Variants in HSP90AA1 observed in about 807,000 individuals in gnomAD.
The protein encoded by HSP90AA1 is heat shock protein HSP 90-alpha.
A neutral mutation model predicts 73.3 loss-of-function variants in HSP90AA1; 18 were observed. The observed-to-expected ratio is 0.25, with a 90% confidence interval of 0.17 to 0.36. HSP90AA1 has a LOEUF of 0.36. Ranked by LOEUF, HSP90AA1 falls within the 10% of genes least tolerant of loss-of-function variation. The pLI, the probability that HSP90AA1 is intolerant of heterozygous loss-of-function variation, is 1.00. For missense variants in HSP90AA1, 704 were observed against 874.2 expected, an observed-to-expected ratio of 0.81 and a Z score of 2.45; for synonymous variants, 477 against 296.9, an observed-to-expected ratio of 1.61 and a Z score of -6.24.
At chr14:102,130,124 C>T (rs918565727) in intron 1 of HSP90AA1, among the ~76,000 whole-genome samples, 1 of 152,068 alleles carries the variant, frequency 6.6e-6, no homozygotes. Flanking sequence ...GCCCGCACCA[C>T]CACACCTGGC....
At chr14:102,105,604 G>C (rs1367304967) in intron 1 of HSP90AA1, among the ~76,000 whole-genome samples, 1 of 152,222 alleles carries the variant, frequency 6.6e-6, no homozygotes, top group South Asian at 2.1e-4. Context: ...CAGGAAGAGG[G>C]CTTGCAAGGG....
At chr14:102,105,969 G>A (rs990349129) in intron 1 of HSP90AA1, among the ~76,000 whole-genome samples, 1 of 152,096 alleles carries the variant, frequency 6.6e-6, no homozygotes, top group Non-Finnish European at 1.5e-5. Context: ...CCAGCTGCTC[G>A]GGAGGCTGAG....
chr14:102,099,939 CA>C (rs2049472182), intron 2 of HSP90AA1, among the ~76,000 whole-genome samples: 1 of 152,180 alleles, frequency 6.6e-6, no homozygotes, highest in Admixed American at 6.5e-5. Context: ...GTAATTCCAG[CA>C]CTTTGGGAGG....
chr14:102,111,024 TTC>T (rs2049635417), intron 1 of HSP90AA1, among the ~76,000 whole-genome samples: 1 of 152,162 alleles, frequency 6.6e-6, no homozygotes, highest in South Asian at 2.1e-4. Context: ...AGCCAAAGTA[TTC>T]TGTTTTATAA....
chr14:102,113,872 C>T (rs954542828), intron 1 of HSP90AA1, among the ~76,000 whole-genome samples: 7 of 151,864 alleles, frequency 4.6e-5, no homozygotes, highest in East Asian at 1.9e-4. Context: ...CACCATGCCC[C>T]GCTAATTTTT....
intron 1 of HSP90AA1, among the ~76,000 whole-genome samples, chr14:102,106,078 A>G (rs1265386419): frequency 6.6e-6 from 1 of 152,030 alleles, no homozygotes; most frequent in Non-Finnish European, 1.5e-5. Flanking sequence ...TCCATCTCAA[A>G]AAAAAAAAGC....
chr14:102,129,705 G>A (rs571554743), intron 1 of HSP90AA1, among the ~76,000 whole-genome samples: 56 of 151,928 alleles, frequency 3.7e-4, no homozygotes, highest in Non-Finnish European at 5.7e-4. Context: ...AGGTTTCACC[G>A]TGTTGGCTAG....
intron 1 of HSP90AA1, among the ~76,000 whole-genome samples, chr14:102,125,735 A>G (rs1431981987): frequency 6.6e-6 from 1 of 152,216 alleles, no homozygotes; most frequent in Non-Finnish European, 1.5e-5. Context: ...GTAGCGAACA[A>G]CCTAGTGAGA....
In HSP90AA1 at chr14:102,083,082, C is replaced by T. The variant is rs747514865; in HGVS notation, c.1707G>A (p.Glu569=). 2 of 1,613,856 alleles carry T rather than the reference C, an allele frequency of 1.2e-6. No individual in the cohort carries two copies. Among genetic ancestry groups the T allele is most frequent in the Non-Finnish European group, 1.7e-6 (2 of 1,179,800 alleles). Residue 569 remains glutamate (E), a synonymous_variant, in exon 9 of 11, where the codon GAG becomes GAA. Transcript: ENST00000216281. Reference sequence around the variant, plus strand: ...TGTCTTTCATGATTTTGCAGAGGTTCTCAAACTTTGTTTTTTTCTCTTCCT... The same window carrying T: ...TGTCTTTCATGATTTTGCAGAGGTTTTCAAACTTTGTTTTTTTCTCTTCCT... ...KKQEEKKTKF[E]NLCKIMKDIL...
At chr14:102,085,183 G>C in intron 4 of HSP90AA1, 115 bp downstream of exon 4, 1 of 1,422,994 alleles carries the variant, frequency 7.0e-7, no homozygotes, top group South Asian at 1.2e-5. Flanking sequence ...AGGTAGTAGA[G>C]CTTAGGTTCC....
intron 1 of HSP90AA1, among the ~76,000 whole-genome samples, chr14:102,133,632 T>C (rs1356343745): frequency 6.6e-6 from 1 of 151,862 alleles, no homozygotes; most frequent in Non-Finnish European, 1.5e-5. Flanking sequence ...TACAGGCATA[T>C]GGCACCACGC....
rs34332262 is a variant in HSP90AA1 at position 102,085,570 on chromosome 14, G to A, written c.530-139C>T. On this transcript the variant is annotated intron_variant, in intron 3 of 10. Coordinates refer to ENST00000216281, the MANE Select transcript of HSP90AA1 (RefSeq NM_005348.4). ...AAGGCCACCACAGCAGAACCTTTTGGGCAAGGTGCCTCGCCCAAAAGAACC... is the reference window on the plus strand; with the variant it reads ...AAGGCCACCACAGCAGAACCTTTTGAGCAAGGTGCCTCGCCCAAAAGAACC... The A allele has an allele frequency of 6.8e-5, 81 of 1,189,082 alleles. No homozygotes were observed. The African/African-American group carries it at 9.9e-4, about 15-fold the overall frequency. The allele number at this position is 1,189,082 out of a possible 1,614,324, so 73.7% of individuals were successfully genotyped here.
rs900389409 is a variant in HSP90AA1 at position 102,132,478 on chromosome 14, T to C, written c.155+6772A>G. On this transcript the variant is annotated intron_variant, in intron 1 of 11. Transcript: ENST00000334701. ...AGGAGGATGGCTTGAGCCTGGAAGG[T>C]TGAGGCTGCAATGAGCCGGGCCTGT... is the stretch of plus-strand genomic sequence containing the variant. Among the ~76,000 whole-genome samples, 6 of 151,882 alleles carry C rather than the reference T, an allele frequency of 4.0e-5. No homozygotes were observed. The East Asian group carries it at 1.2e-3, about 29-fold the overall frequency.
rs759585735 is a variant in HSP90AA1, at chr14:102,086,275, T to C, written c.104A>G (p.Asn35Ser). The C allele has an allele frequency of 1.2e-6, 2 of 1,614,148 alleles. No individual in the cohort carries two copies. Among genetic ancestry groups the C allele is most frequent in the Non-Finnish European group, 1.7e-6 (2 of 1,179,996 alleles). The change falls in exon 2 of 11, where the codon AAT becomes AGT. Residue 35 changes from asparagine to serine, a missense_variant. Physicochemically the swap from Asn to Ser is conservative, Grantham distance 46 (BLOSUM62 1). Coordinates refer to ENST00000216281, the MANE Select transcript of HSP90AA1 (RefSeq NM_005348.4). ...EIAQLMSLII[N>S]TFYSNKEIFL... ...GATCTCTTTGTTCGAGTAGAAAGTA[T>C]TGATGATCAATGACATCAACTGGGC...
upstream of HSP90AA1, among the ~76,000 whole-genome samples, chr14:102,087,744 G>A (rs2049281750): frequency 6.6e-6 from 1 of 152,070 alleles, no homozygotes; most frequent in South Asian, 2.1e-4. Flanking sequence ...CCCTACTTTT[G>A]GGTTCCCCGA....
chr14:102,099,563 GA>G (rs2049467594), intron 2 of HSP90AA1, among the ~76,000 whole-genome samples: 3 of 150,706 alleles, frequency 2.0e-5, no homozygotes, highest in Admixed American at 6.6e-5. Context: ...GTCTCAAAAA[GA>G]AAAAAAATGC....
chr14:102,099,594 C>T (rs991253681), intron 2 of HSP90AA1, among the ~76,000 whole-genome samples: 16 of 152,126 alleles, frequency 1.1e-4, no homozygotes, highest in African/African-American at 3.6e-4. Flanking sequence ...AACTCCCTAA[C>T]ATTGCATTTC....
intron 1 of HSP90AA1, among the ~76,000 whole-genome samples, chr14:102,105,763 A>G (rs942725260): frequency 1.3e-5 from 2 of 152,182 alleles, no homozygotes; most frequent in Non-Finnish European, 2.9e-5. Context: ...GTCTGGACAC[A>G]TGGAGACAAT....
chr14:102,087,548 C>T (rs1349225815), upstream of HSP90AA1, among the ~76,000 whole-genome samples: 1 of 152,062 alleles, frequency 6.6e-6, no homozygotes, highest in African/African-American at 2.4e-5. Flanking sequence ...GCCCGGGAGA[C>T]TTCCGGAGCC....
Sources: allele counts gnomAD v4.1 joint callset (sites outside exome capture counted in the v4.1 genomes callset), GRCh38; gene constraint gnomAD v4.1.1; transcripts MANE v1.5; gene names NCBI Gene and HGNC (gene_info 2026-07-23, HGNC 2026-07-21).